DOT1L: variants seen among roughly 807,000 people sequenced by gnomAD.
DOT1L encodes histone-lysine N-methyltransferase, H3 lysine-79 specific.
DOT1L carries 33 observed loss-of-function variants against 153.3 expected under a neutral mutation model. The observed-to-expected ratio is 0.22, with a 90% confidence interval of 0.16 to 0.29. The LOEUF (loss-of-function observed/expected upper bound fraction) is 0.29, where lower values mean the gene tolerates loss of function less well. DOT1L is among the 10% of genes least tolerant of loss of function. DOT1L has a pLI of 1.00. For missense variants in DOT1L, 1,847 were observed against 2,119.9 expected (o/e 0.87, Z 2.53); for synonymous variants, 1,135 against 965.1 (o/e 1.18, Z -3.26).
In DOT1L at chr19:2,211,099, A is replaced by T; in HGVS notation, c.1352A>T (p.Asp451Val). Residue 451 changes from aspartate (D) to valine (V), a missense_variant and splice_region_variant, in exon 15 of 28, where the codon GAT (aspartate) becomes GTT (valine). Asp to Val is a radical substitution (Grantham distance 152). Transcript: ENST00000398665. ...TGACGCCTGCCCTCCGCTCTCCCAG[A>T]TGCCTACAGATCCCCTCACAGCCCG... ...VSQTAASSPQDAYRSPHSPFY... is the reference protein window; with the variant it reads ...VSQTAASSPQVAYRSPHSPFY... 6.2e-7 allele frequency: 1 copy of T among 1,611,928 alleles called. No individual in the cohort carries two copies. The highest frequency in any genetic ancestry group is 1.1e-5 in the South Asian group (1 of 90,984).
rs779392182 is a variant in DOT1L, at chr19:2,207,799, C to T, written c.963+119C>T. 40 of 906,312 alleles carry T rather than the reference C, an allele frequency of 4.4e-5. No individual in the cohort carries two copies. The highest frequency in any genetic ancestry group is 2.2e-4 in the Middle Eastern group (1 of 4,476). The allele number at this position is 906,312 out of a possible 1,614,324, so 56.1% of individuals were successfully genotyped here. On this transcript the variant is annotated intron_variant, in intron 11 of 27. Transcript: ENST00000398665. The surrounding 1 kb of genome is among the most constrained non-coding windows in gnomAD (Gnocchi z 4.5). ...GACCCTCCCCTCAGAGCCCTCAACG[C>T]CCCCCGGCCCCTGAGCTCAGGCCCA...
At chr19:2,195,419 G>A (rs866249867) in intron 7 of DOT1L, among the ~76,000 whole-genome samples, 4 of 152,246 alleles carry the variant, frequency 2.6e-5, no homozygotes, top group Admixed American at 6.5e-5. Flanking sequence ...ATGGCGCCCC[G>A]GGCCCATCTG....
rs1034311032 is a variant in DOT1L, at chr19:2,222,671, C to T, written c.3390+112C>T. The T allele has an allele frequency of 3.8e-6, 4 of 1,055,784 alleles. No individual in the cohort carries two copies. The highest frequency in any genetic ancestry group is 5.3e-5 in the East Asian group (2 of 37,994). 65.4% of individuals were successfully genotyped at this position (1,055,784 alleles called of 1,614,324 possible). Reference sequence around the variant, plus strand: ...ATCCCAGCATTTTGGGAGGCCGAGGCGGGTGGATCACAAGATCAGGACATC... The same window carrying T: ...ATCCCAGCATTTTGGGAGGCCGAGGTGGGTGGATCACAAGATCAGGACATC... On this transcript the variant is annotated intron_variant, in intron 24 of 27. Coordinates refer to ENST00000398665, the MANE Select transcript of DOT1L (RefSeq NM_032482.3). The surrounding 1 kb of genome is among the most constrained non-coding windows in gnomAD (Gnocchi z 6.5).
chr19:2,210,009 G>T (rs879808635), intron 12 of DOT1L, among the ~76,000 whole-genome samples: 1 of 152,190 alleles, frequency 6.6e-6, no homozygotes, highest in Non-Finnish European at 1.5e-5. Context: ...TGTGGGCCTC[G>T]GTGCCTTTCG....
intron 8 of DOT1L, among the ~76,000 whole-genome samples, chr19:2,202,166 C>A (rs1161744954): frequency 1.3e-5 from 2 of 152,232 alleles, no homozygotes; most frequent in African/African-American, 2.4e-5. Context: ...GGATGCCTGG[C>A]CTGGGAAAGC....
chr19:2,206,836 A>C, intron 10 of DOT1L, 39 bp downstream of exon 10: 1 of 1,585,818 alleles, frequency 6.3e-7, no homozygotes, highest in Non-Finnish European at 8.7e-7. Flanking sequence ...AACACGGGTA[A>C]TTTTAACCAT....
chr19:2,221,659 A>C (rs201638420), intron 23 of DOT1L: 1 of 401,008 alleles, frequency 2.5e-6, no homozygotes, highest in Non-Finnish European at 4.5e-6. Flanking sequence ...CCAGAGGGCA[A>C]CTTACTCAGA....
chr19:2,174,958 ATGTGTGTGTGTG>A (rs71337121), intron 1 of DOT1L, among the ~76,000 whole-genome samples: 1,988 of 130,018 alleles, frequency 0.015, 49 homozygotes, highest in African/African-American at 0.053. Flanking sequence ...TTTTAAATAT[ATGTGTGTGTGTG>A]TGTGTGTGTG....
chr19:2,218,290 C>G (rs535039050), intron 22 of DOT1L, among the ~76,000 whole-genome samples: 1 of 152,372 alleles, frequency 6.6e-6, no homozygotes, highest in East Asian at 1.9e-4. Context: ...TGCAGAGAAT[C>G]TCGTCTTGTG....
chr19:2,186,158 A>G (rs1568336239), intron 3 of DOT1L, among the ~76,000 whole-genome samples: 1 of 152,272 alleles, frequency 6.6e-6, no homozygotes, highest in Non-Finnish European at 1.5e-5. Flanking sequence ...GGTTGTGGAA[A>G]GTGGGATTGG....
At chr19:2,184,765 C>T (rs1375445780) in intron 2 of DOT1L, among the ~76,000 whole-genome samples, 2 of 152,230 alleles carry the variant, frequency 1.3e-5, no homozygotes, top group South Asian at 2.1e-4. Flanking sequence ...CTGCTCAGAT[C>T]TCCGTCCTTG....
rs1213866608 is a variant in DOT1L at position 2,222,220 on chromosome 19, G to C, written c.3051G>C (p.Gln1017His). ...GTCCCCGGCTTGGTGGGGCCGCCCA[G>C]GGCCCGTTGCCCGAGGCCAGCAAGG... ...SSSPRLGGAAQGPLPEASKGD... is the reference protein window; with the variant it reads ...SSSPRLGGAAHGPLPEASKGD... Residue 1017 changes from glutamine to histidine, a missense_variant, in exon 24 of 28, where the codon CAG (glutamine) becomes CAC (histidine). Gln to His is a conservative substitution (Grantham distance 24). Coordinates refer to ENST00000398665, the MANE Select transcript of DOT1L (RefSeq NM_032482.3). This position sits in a 1 kb window ranked among gnomAD's most constrained non-coding sequence, Gnocchi z 6.5. 1.2e-6 allele frequency: 2 copies of C among 1,613,124 alleles called. No individual in the cohort carries two copies. Among genetic ancestry groups the C allele is most frequent in the Admixed American group, 1.7e-5 (1 of 60,024 alleles).
In DOT1L at chr19:2,226,656, C is replaced by G. The variant is rs113164803; in HGVS notation, c.4135C>G (p.Leu1379Val). Residue 1379 changes from leucine to valine, a missense_variant, in exon 27 of 28, where the codon CTG (leucine) becomes GTG (valine). Physicochemically the swap from Leu to Val is conservative, Grantham distance 32. Around this residue, in one of 8 missense-constraint regions of DOT1L, gnomAD observed 934 missense variants for 825.3 expected, o/e 1.13. Transcript: ENST00000398665. Reference sequence around the variant, plus strand: ...GAGGCAGCTGGACGGCCTGGCTGGGCTGAAGGGCGAGGGCAGCCGCGGCAA... The same window carrying G: ...GAGGCAGCTGGACGGCCTGGCTGGGGTGAAGGGCGAGGGCAGCCGCGGCAA... ...SKRQLDGLAG[L>V]KGEGSRGKEA... is the part of the protein sequence containing the mutation. 6.3e-7 allele frequency: 1 copy of G among 1,582,894 alleles called. No homozygotes were observed. The highest frequency in any genetic ancestry group is 8.6e-7 in the Non-Finnish European group (1 of 1,168,344).
chr19:2,198,275 AGGTGTGGAGAGGGAGGAGACG>A (rs2023101298), intron 7 of DOT1L, among the ~76,000 whole-genome samples: 1 of 152,184 alleles, frequency 6.6e-6, no homozygotes, highest in Admixed American at 6.5e-5. Flanking sequence ...AGGGTCTGTC[AGGTGTGGAGAGGGAGGAGACG>A]GGTGTGGGGG....
chr19:2,216,567 A>G lies in DOT1L; in HGVS notation c.2210A>G (p.Gln737Arg). ...CCTTCGTCGAAGCAGAACACGCCCC[A>G]GTACCTGGCCTCACCCCTGGACCAG... ...SRPSSKQNTPQYLASPLDQEV... is the reference protein window; with the variant it reads ...SRPSSKQNTPRYLASPLDQEV... Residue 737 changes from glutamine (Q) to arginine (R), a missense_variant, in exon 20 of 28, where the codon CAG (glutamine) becomes CGG (arginine). Transcript: ENST00000398665. 6.2e-7 allele frequency: 1 copy of G among 1,609,754 alleles called. No homozygotes were observed. Among genetic ancestry groups the G allele is most frequent in the Non-Finnish European group, 8.5e-7 (1 of 1,179,916 alleles).
At chr19:2,183,413 C>T (rs1379566608) in intron 2 of DOT1L, among the ~76,000 whole-genome samples, 1 of 152,186 alleles carries the variant, frequency 6.6e-6, no homozygotes, top group Non-Finnish European at 1.5e-5. Context: ...TCAAGTGATC[C>T]ACCCGCCTCG....
Position 2,229,981 on chromosome 19 carries a change from G to C in DOT1L, c.*189G>C, listed in dbSNP as rs1397584666. On this transcript the variant is annotated 3_prime_UTR_variant, in exon 28 of 28. Coordinates refer to ENST00000398665, the MANE Select transcript of DOT1L (RefSeq NM_032482.3). ...ACTGGTCCAGTTTGTACTGTCGATA[G>C]TTTTAGATAAAGTATTTATCATTTT... 7 of 808,720 alleles carry C rather than the reference G, an allele frequency of 8.7e-6. No individual in the cohort carries two copies. The highest frequency in any genetic ancestry group is 1.3e-5 in the Non-Finnish European group (7 of 518,570). The allele number at this position is 808,720 out of a possible 1,614,324, so 50.1% of individuals were successfully genotyped here. A position where few individuals can be genotyped will look rare whatever the true frequency, so the allele number is the denominator to read the frequency against.
rs935435291 is a variant in DOT1L, at chr19:2,232,196, G to T, written c.*2404G>T. 1.3e-5 allele frequency: 3 copies of T among 223,266 alleles called. No individual in the cohort carries two copies. The Admixed American group carries it at 1.7e-4, about 13-fold the overall frequency. 13.8% of individuals were successfully genotyped at this position (223,266 alleles called of 1,614,324 possible). A position where few individuals can be genotyped will look rare whatever the true frequency, so the allele number is the denominator to read the frequency against. ...CGGGCGGCGCCTGGGAGTGGCTCTT[G>T]CTCAGGAATTGATAGGAACCCTAAA... On this transcript the variant is annotated 3_prime_UTR_variant, in exon 28 of 28. Coordinates refer to ENST00000398665, the MANE Select transcript of DOT1L (RefSeq NM_032482.3).
intron 27 of DOT1L, chr19:2,229,220 A>ACTGT (rs2024495885): frequency 2.0e-6 from 2 of 985,264 alleles, no homozygotes; most frequent in African/African-American, 3.5e-5. Context: ...GGCTGTGGAG[A>ACTGT]CTGTGGCCGC....
Sources: gnomAD v4.1 joint callset for allele counts (sites outside exome capture counted in the v4.1 genomes callset) on GRCh38, gnomAD v4.1.1 for gene constraint, gnomAD v4.1.1 regional missense constraint, Gnocchi (gnomAD v3.1) non-coding constraint, MANE v1.5 for transcripts, NCBI Gene and HGNC (gene_info 2026-07-23, HGNC 2026-07-21) for gene names.